Variants in FNDC3A observed in about 807,000 individuals in gnomAD.
FNDC3A encodes the protein fibronectin type-III domain-containing protein 3A.
Under a neutral mutation model 148.9 loss-of-function variants are expected in FNDC3A, and 32 were observed. That is an observed-to-expected ratio of 0.21 (90% CI 0.16 to 0.29). FNDC3A has a LOEUF of 0.29. FNDC3A is among the 10% of genes least tolerant of loss of function. The probability of loss-of-function intolerance (pLI) is 1.00; values close to 1 mark genes in which losing one functional copy is unlikely to be tolerated. For synonymous variants in FNDC3A, 472 were observed against 473.6 expected, an observed-to-expected ratio of 1.00 and a Z score of 0.04; for missense variants, 1,191 against 1,452.8, an observed-to-expected ratio of 0.82 and a Z score of 2.93.
In FNDC3A at chr13:49,178,195, A is replaced by G. The variant is rs187368667; in HGVS notation, c.1531-373A>G. Among the ~76,000 whole-genome samples the G allele has an allele frequency of 1.6e-3, 247 of 152,308 alleles. 1 individual carries two copies. The highest frequency in any genetic ancestry group is 5.7e-3 in the African/African-American group (237 of 41,562). On this transcript the variant is annotated intron_variant, in intron 13 of 25. Transcript: ENST00000492622. Reference sequence around the variant, plus strand: ...TAAAGGCAAGTTAAATATGTTAACTACTTACAGTTCTATTCAGCTCTTGCA... The same window carrying G: ...TAAAGGCAAGTTAAATATGTTAACTGCTTACAGTTCTATTCAGCTCTTGCA...
At chr13:49,054,125 C>T (rs1239119202) in intron 2 of FNDC3A, among the ~76,000 whole-genome samples, 2 of 152,134 alleles carry the variant, frequency 1.3e-5, no homozygotes, top group African/African-American at 2.4e-5. Flanking sequence ...CCACTCCTTT[C>T]GCATCATGGT....
chr13:49,175,468 A>G lies in FNDC3A; in HGVS notation c.1457A>G (p.Gln486Arg). 6.2e-7 allele frequency: 1 copy of G among 1,613,292 alleles called. No homozygotes were observed. The highest frequency in any genetic ancestry group is 8.5e-7 in the Non-Finnish European group (1 of 1,179,420). The change falls in exon 13 of 26, where the codon CAA becomes CGA. Residue 486 changes from glutamine to arginine, a missense_variant. Physicochemically the swap from Gln to Arg is conservative, Grantham distance 43. This residue lies in a region of FNDC3A where 751 missense variants were observed against 944.0 expected (regional missense o/e 0.80). Coordinates refer to ENST00000492622, the MANE Select transcript of FNDC3A (RefSeq NM_001079673.2). The stretch of plus-strand genomic sequence containing the variant: ...GCTGGAATTACTTGGTTATCCTTAC[A>G]ATGGAGTAAGCCCTCAGGAACACCA... ...TKAGITWLSL[Q>R]WSKPSGTPSD...
chr13:49,177,709 AG>A (rs1885102360), intron 13 of FNDC3A, among the ~76,000 whole-genome samples: 1 of 152,216 alleles, frequency 6.6e-6, no homozygotes, highest in South Asian at 2.1e-4. Flanking sequence ...CCATAAAAAG[AG>A]TACCAGTATA....
intron 16 of FNDC3A, chr13:49,187,443 C>G: frequency 8.0e-7 from 1 of 1,247,274 alleles, no homozygotes; most frequent in East Asian, 2.3e-5. Flanking sequence ...TCTTAAAATG[C>G]TCTTCATATC....
chr13:49,095,734 G>A (rs1183791966), intron 3 of FNDC3A, among the ~76,000 whole-genome samples: 2 of 151,996 alleles, frequency 1.3e-5, no homozygotes, highest in South Asian at 2.1e-4. Context: ...TTTTGATTCA[G>A]GGAAGTACTA....
intron 6 of FNDC3A, among the ~76,000 whole-genome samples, 193 bp downstream of exon 6, chr13:49,136,794 A>G (rs1039584543): frequency 3.3e-5 from 5 of 152,178 alleles, no homozygotes; most frequent in African/African-American, 1.2e-4. Context: ...TGAAATTTCT[A>G]TTTGATAGGA....
intron 11 of FNDC3A, among the ~76,000 whole-genome samples, chr13:49,172,297 C>G (rs1884794253): frequency 1.3e-5 from 2 of 152,160 alleles, no homozygotes; most frequent in Admixed American, 6.5e-5. Flanking sequence ...AAATCACCAT[C>G]AAAATTATTA....
At chr13:49,158,800 G>A (rs1290530771) in intron 8 of FNDC3A, among the ~76,000 whole-genome samples, 3 of 152,100 alleles carry the variant, frequency 2.0e-5, no homozygotes, top group Non-Finnish European at 4.4e-5. Flanking sequence ...TTTTGTATAA[G>A]GTGTAAGGAA....
At chr13:48,984,549 T>G (rs1272358975) in intron 1 of FNDC3A, among the ~76,000 whole-genome samples, 1 of 152,148 alleles carries the variant, frequency 6.6e-6, no homozygotes, top group Non-Finnish European at 1.5e-5. Flanking sequence ...GTATGATAAA[T>G]GAATGAGTAA....
At chr13:48,993,815 A>G (rs1951968011) in intron 1 of FNDC3A, among the ~76,000 whole-genome samples, 1 of 152,182 alleles carries the variant, frequency 6.6e-6, no homozygotes, top group South Asian at 2.1e-4. Context: ...TCCTCATAAT[A>G]TAAAATCCTT....
Position 49,191,043 on chromosome 13 carries a change from C to A in FNDC3A, c.1973C>A (p.Pro658Gln), listed in dbSNP as rs1885857129. ...AVSESLLVQTPAVPPGPCLPP... is the reference protein window; with the variant it reads ...AVSESLLVQTQAVPPGPCLPP... ...TCTGAATCTTTACTTGTGCAGACTC[C>A]AGCTGTGCCTCCTGGCCCATGCCTC... Residue 658 changes from proline to glutamine, a missense_variant, in exon 18 of 26, where the codon CCA (proline) becomes CAA (glutamine). Pro to Gln is a moderately conservative substitution (Grantham distance 76). Coordinates refer to ENST00000492622, the MANE Select transcript of FNDC3A (RefSeq NM_001079673.2). The A allele has an allele frequency of 2.5e-6, 4 of 1,613,568 alleles. No individual in the cohort carries two copies. The Middle Eastern group carries it at 6.6e-4, about 266-fold the overall frequency.
At chr13:49,160,339 A>G (rs1442654998) in intron 8 of FNDC3A, among the ~76,000 whole-genome samples, 1 of 152,132 alleles carries the variant, frequency 6.6e-6, no homozygotes, top group Non-Finnish European at 1.5e-5. Flanking sequence ...TTCCTGGTTT[A>G]GTCTTGGGAG....
At chr13:49,081,523 T>G (rs772838781) in intron 3 of FNDC3A, among the ~76,000 whole-genome samples, 3 of 152,220 alleles carry the variant, frequency 2.0e-5, no homozygotes, top group African/African-American at 4.8e-5. Flanking sequence ...ATGTAAATAG[T>G]GTGTGTCCGT....
chr13:48,992,637 A>C (rs1237670120), intron 1 of FNDC3A, among the ~76,000 whole-genome samples: 1 of 152,188 alleles, frequency 6.6e-6, no homozygotes, highest in East Asian at 1.9e-4. Context: ...TTATGGTAAC[A>C]GTTTCACAGG....
intron 2 of FNDC3A, among the ~76,000 whole-genome samples, chr13:49,057,157 A>G (rs767593559): frequency 6.6e-6 from 1 of 152,224 alleles, no homozygotes; most frequent in Non-Finnish European, 1.5e-5. Flanking sequence ...TAGCTAATAT[A>G]GATTTAGTCC....
chr13:49,144,087 C>T (rs1003009872), intron 7 of FNDC3A, among the ~76,000 whole-genome samples: 2 of 151,610 alleles, frequency 1.3e-5, no homozygotes, highest in African/African-American at 4.8e-5. Flanking sequence ...GACTGACCCA[C>T]CTTCATAGTC....
Position 49,208,311 on chromosome 13 carries a change from T to A in FNDC3A, c.*916T>A, listed in dbSNP as rs545241790. ...ATATATTACATACATACACTCACTC[T>A]GTCTGGTATAGGCTAATTTTGAAGA... On this transcript the variant is annotated 3_prime_UTR_variant, in exon 26 of 26. Coordinates refer to ENST00000492622, the MANE Select transcript of FNDC3A (RefSeq NM_001079673.2). The A allele has an allele frequency of 6.5e-6, 1 of 152,760 alleles. No individual in the cohort carries two copies. Among genetic ancestry groups the A allele is most frequent in the East Asian group, 1.9e-4 (1 of 5,190 alleles). 9.5% of individuals were successfully genotyped at this position (152,760 alleles called of 1,614,324 possible).
At chr13:49,006,038 T>C in intron 1 of FNDC3A, 114 bp from the exon 2 acceptor site, 1 of 450,022 alleles carries the variant, frequency 2.2e-6, no homozygotes, top group Middle Eastern at 5.6e-4. Flanking sequence ...TATTCTAGAA[T>C]TTCCTTTGAC....
Position 48,982,840 on chromosome 13 carries a change from T to C in FNDC3A, c.-40+6663T>C, listed in dbSNP as rs368599049. On this transcript the variant is annotated intron_variant, in intron 1 of 25. Coordinates refer to ENST00000492622, the MANE Select transcript of FNDC3A (RefSeq NM_001079673.2). ...TGGCTGTATAGAAACATGAGTGTGC[T>C]ACTTTACCTGTATGAGCCTTGGTTC... Among the ~76,000 whole-genome samples the C allele has an allele frequency of 7.9e-5, 12 of 152,322 alleles. No individual in the cohort carries two copies. In the East Asian group the frequency reaches 1.3e-3, roughly 17 times the overall value.
Sources: gnomAD v4.1 joint callset for allele counts (sites outside exome capture counted in the v4.1 genomes callset) on GRCh38, gnomAD v4.1.1 for gene constraint, gnomAD v4.1.1 regional missense constraint, MANE v1.5 for transcripts, NCBI Gene and HGNC (gene_info 2026-07-23, HGNC 2026-07-21) for gene names.